TMPO: variants seen among roughly 807,000 people sequenced by gnomAD.
TMPO encodes LEM domain containing 4.
TMPO carries 22 observed loss-of-function variants against 45.4 expected under a neutral mutation model. That is an observed-to-expected ratio of 0.48 (90% CI 0.35 to 0.69). The LOEUF (loss-of-function observed/expected upper bound fraction) is 0.69. Among genes scored for constraint, TMPO ranks in the 30% least tolerant of loss-of-function variants. The pLI is 0.01. For missense variants in TMPO, 512 were observed against 548.8 expected, an observed-to-expected ratio of 0.93 and a Z score of 0.67; for synonymous variants, 241 against 204.1, an observed-to-expected ratio of 1.18 and a Z score of -1.54.
At chr12:98,524,506 A>G (rs1876612607) in intron 1 of TMPO, among the ~76,000 whole-genome samples, 1 of 152,016 alleles carries the variant, frequency 6.6e-6, no homozygotes, top group East Asian at 1.9e-4. Flanking sequence ...TGGGAGGCAG[A>G]AGGTTGCAGC....
chr12:98,546,432 C>T lies in TMPO; in HGVS notation c.1064C>T (p.Thr355Ile). The T allele has an allele frequency of 6.2e-7, 1 of 1,604,930 alleles. No homozygotes were observed. Among genetic ancestry groups the T allele is most frequent in the Non-Finnish European group, 8.5e-7 (1 of 1,172,044 alleles). Reference protein sequence around the residue: ...LKEMFPYEASTPTGISASCRR... With the variant: ...LKEMFPYEASIPTGISASCRR... ...GAAATGTTCCCCTATGAAGCATCTACACCAACAGGAATTAGGTATTCAGAT... is the reference window on the plus strand; with the variant it reads ...GAAATGTTCCCCTATGAAGCATCTATACCAACAGGAATTAGGTATTCAGAT... Residue 355 changes from threonine (T) to isoleucine (I), a missense_variant, in exon 8 of 9, where the codon ACA becomes ATA. This residue lies in a region of TMPO where 209 missense variants were observed against 235.1 expected (regional missense o/e 0.89). Transcript: ENST00000556029.
chr12:98,547,513 T>C, intron 8 of TMPO, 60 bp from the exon 9 acceptor site: 1 of 1,599,906 alleles, frequency 6.3e-7, no homozygotes. Context: ...TTTATGTTAT[T>C]TCTCTAAATC....
In TMPO at chr12:98,516,053, C is replaced by T. The variant is rs927921003; in HGVS notation, c.186C>T (p.Pro62=). The change falls in exon 1 of 9, where the codon CCC becomes CCT. Residue 62 remains proline, a synonymous_variant. Transcript: ENST00000556029. ...CCGCCGGCACCAACAGCAAGGGGCC[C>T]CCGGACTTCTCCAGTGACGAAGAGC... is the stretch of plus-strand genomic sequence containing the variant. ...PLPAGTNSKG[P]PDFSSDEERE... 6.2e-7 allele frequency: 1 copy of T among 1,610,752 alleles called. No individual in the cohort carries two copies. Among genetic ancestry groups the T allele is most frequent in the Non-Finnish European group, 8.5e-7 (1 of 1,179,436 alleles).
chr12:98,527,954 T>C lies in TMPO; in HGVS notation c.348T>C (p.Thr116=). 6.2e-7 allele frequency: 1 copy of C among 1,613,966 alleles called. No homozygotes were observed. Among genetic ancestry groups the C allele is most frequent in the Non-Finnish European group, 8.5e-7 (1 of 1,179,906 alleles). ...DKDDLDVTEL[T]NEDLLDQLVK... is the part of the protein sequence containing the mutation. ...ATGATCTAGATGTAACAGAGCTCAC[T>C]AATGAAGATCTTTTGGATCAGCTTG... Residue 116 remains threonine, a synonymous_variant, in exon 2 of 9, where the codon ACT becomes ACC. Transcript: ENST00000556029.
rs376950210 is a variant in TMPO, at chr12:98,526,741, C to T, written c.280-1145C>T. On this transcript the variant is annotated intron_variant, in intron 1 of 8. Coordinates refer to ENST00000556029, the MANE Select transcript of TMPO (RefSeq NM_001032283.3). The stretch of plus-strand genomic sequence containing the variant: ...TTGGGAGGCTGAGGTGGGCAGATAA[C>T]GAGGTCAAGAGATCGAGACCATTCT... 2.4e-4 allele frequency among the ~76,000 whole-genome samples: 36 copies of T among 152,188 alleles called. No individual in the cohort carries two copies. The East Asian group carries it at 2.7e-3, about 11-fold the overall frequency.
chr12:98,519,990 T>A (rs1876211486), intron 1 of TMPO, among the ~76,000 whole-genome samples: 1 of 152,030 alleles, frequency 6.6e-6, no homozygotes, highest in Admixed American at 6.6e-5. Flanking sequence ...GATGGAGTCT[T>A]GCTCTGTCAC....
intron 4 of TMPO, among the ~76,000 whole-genome samples, chr12:98,540,383 T>C (rs1020305135): frequency 6.6e-6 from 1 of 151,978 alleles, no homozygotes; most frequent in African/African-American, 2.4e-5. Context: ...GTTGTTGTTT[T>C]TGTTTTTGTT....
intron 1 of TMPO, among the ~76,000 whole-genome samples, chr12:98,519,816 C>T (rs1452764807): frequency 1.3e-5 from 2 of 152,078 alleles, no homozygotes; most frequent in African/African-American, 4.8e-5. Context: ...TTTAAGTTTA[C>T]AGGAAAAGAA....
At chr12:98,544,167 A>C in intron 4 of TMPO, 63 bp from the exon 5 acceptor site, 14 of 1,555,766 alleles carry the variant, frequency 9.0e-6, no homozygotes, top group Non-Finnish European at 1.2e-5. Context: ...GTGTGCCAGT[A>C]TGGCCGTTAT....
chr12:98,542,882 A>G (rs1878000044), intron 4 of TMPO, among the ~76,000 whole-genome samples: 1 of 152,174 alleles, frequency 6.6e-6, no homozygotes, highest in South Asian at 2.1e-4. Context: ...AATAAAAATT[A>G]AAAAGCAGTT....
At chr12:98,532,957 G>A (rs1399332709) in intron 3 of TMPO, 10 of 1,613,892 alleles carry the variant, frequency 6.2e-6, no homozygotes, top group South Asian at 1.1e-5. Context: ...TCCTCCTTTG[G>A]GCAGTACCGA....
intron 4 of TMPO, among the ~76,000 whole-genome samples, chr12:98,541,904 T>G (rs1010662317): frequency 6.6e-6 from 1 of 152,216 alleles, no homozygotes; most frequent in Non-Finnish European, 1.5e-5. Flanking sequence ...GCTTTGTACA[T>G]TTCCATTTTT....
Position 98,539,302 on chromosome 12 carries a change from A to G in TMPO, c.663+1730A>G, listed in dbSNP as rs1877766645. On this transcript the variant is annotated intron_variant, in intron 4 of 8. Coordinates refer to ENST00000556029, the MANE Select transcript of TMPO (RefSeq NM_001032283.3). ...GCAGAATAAATAGTCAAAGGAGTGT[A>G]GGTTTAGATGACAGGCAGAATTAGA... is the stretch of plus-strand genomic sequence containing the variant. Among the ~76,000 whole-genome samples, 4 of 152,092 alleles carry G rather than the reference A, an allele frequency of 2.6e-5. No homozygotes were observed. In the South Asian group the frequency reaches 8.3e-4, roughly 32 times the overall value.
chr12:98,534,307 T>A lies in TMPO; in HGVS notation c.565+2469T>A, dbSNP rs752324787. On this transcript the variant is annotated intron_variant, in intron 3 of 8. Transcript: ENST00000556029. Reference sequence around the variant, plus strand: ...TGGAACATTATTTGGAGGAGAAGTATGCAAAGTAATTAAAAAGCGTGGAAA... The same window carrying A: ...TGGAACATTATTTGGAGGAGAAGTAAGCAAAGTAATTAAAAAGCGTGGAAA... The A allele has an allele frequency of 8.1e-6, 13 of 1,613,004 alleles. No individual in the cohort carries two copies. The highest frequency in any genetic ancestry group is 1.7e-5 in the Admixed American group (1 of 60,002).
chr12:98,546,433 A>G lies in TMPO; in HGVS notation c.1065A>G (p.Thr355=). 1 of 1,603,668 alleles carries G rather than the reference A, an allele frequency of 6.2e-7. No individual in the cohort carries two copies. Among genetic ancestry groups the G allele is most frequent in the Non-Finnish European group, 8.5e-7 (1 of 1,170,990 alleles). The change falls in exon 8 of 9, where the codon ACA becomes ACG. Residue 355 remains threonine (T), a synonymous_variant. Transcript: ENST00000556029. The part of the protein sequence containing the change: ...LKEMFPYEAS[T]PTGISASCRR... Reference sequence around the variant, plus strand: ...AAATGTTCCCCTATGAAGCATCTACACCAACAGGAATTAGGTATTCAGATA... The same window carrying G: ...AAATGTTCCCCTATGAAGCATCTACGCCAACAGGAATTAGGTATTCAGATA...
intron 7 of TMPO, among the ~76,000 whole-genome samples, chr12:98,545,320 C>A (rs1362096629): frequency 6.6e-6 from 1 of 152,066 alleles, no homozygotes; most frequent in African/African-American, 2.4e-5. Context: ...AGGGAGTGGT[C>A]ATTTCTGTTC....
chr12:98,544,751 A>G, intron 6 of TMPO, 200 bp from the exon 7 acceptor site: 1 of 649,548 alleles, frequency 1.5e-6, no homozygotes. Context: ...ACAAGAAAGT[A>G]TAAGGATATT....
chr12:98,533,620 G>A lies in TMPO; in HGVS notation c.565+1782G>A, dbSNP rs763388598. 5.9e-5 allele frequency: 96 copies of A among 1,614,012 alleles called. No homozygotes were observed. Among genetic ancestry groups the A allele is most frequent in the South Asian group, 4.3e-4 (39 of 91,052 alleles). ...GGCATTTCAGAACATACCTGGATCCGAACTGATGTCTTCTTTTGCCAAAAC... is the reference window on the plus strand; with the variant it reads ...GGCATTTCAGAACATACCTGGATCCAAACTGATGTCTTCTTTTGCCAAAAC... On this transcript the variant is annotated intron_variant, in intron 3 of 8. Coordinates refer to ENST00000556029, the MANE Select transcript of TMPO (RefSeq NM_001032283.3).
chr12:98,515,984 G>C lies in TMPO; in HGVS notation c.117G>C (p.Gln39His), dbSNP rs1285673694. Reference protein sequence around the residue: ...AGEQRKDVYVQLYLQHLTARN... With the variant: ...AGEQRKDVYVHLYLQHLTARN... ...AGCAGCGCAAAGACGTGTACGTCCA[G>C]CTCTACCTGCAGCACCTCACGGCTC... Residue 39 changes from glutamine to histidine, a missense_variant, in exon 1 of 9, where the codon CAG becomes CAC. Gln to His is a conservative substitution (Grantham distance 24). Transcript: ENST00000556029. 3 of 1,612,826 alleles carry C rather than the reference G, an allele frequency of 1.9e-6. No individual in the cohort carries two copies. The highest frequency in any genetic ancestry group is 2.5e-6 in the Non-Finnish European group (3 of 1,179,824).
Sources: gnomAD v4.1 joint callset for allele counts (sites outside exome capture counted in the v4.1 genomes callset) on GRCh38, gnomAD v4.1.1 for gene constraint, gnomAD v4.1.1 regional missense constraint, MANE v1.5 for transcripts, NCBI Gene and HGNC (gene_info 2026-07-23, HGNC 2026-07-21) for gene names.